LINGO2: variants seen among roughly 807,000 people sequenced by gnomAD.
LINGO2 encodes leucine-rich repeat and immunoglobulin-like domain-containing nogo receptor-interacting protein 2.
In LINGO2, 14 loss-of-function variants were observed where a neutral mutation model predicts 30.6. The observed-to-expected ratio is 0.46, with a 90% CI of 0.30 to 0.72. LINGO2 has a LOEUF of 0.72. LINGO2 is among the 30% of genes least tolerant of loss of function. The probability of loss-of-function intolerance (pLI) is 0.07; values close to 1 mark genes in which losing one functional copy is unlikely to be tolerated. For synonymous variants in LINGO2, 317 were observed against 288.5 expected, an observed-to-expected ratio of 1.10 and a Z score of -1.00; for missense variants, 729 against 751.7, an observed-to-expected ratio of 0.97 and a Z score of 0.35.
At chr9:28,111,243 G>A (rs1343526199) in intron 4 of LINGO2, among the ~76,000 whole-genome samples, 2 of 151,950 alleles carry the variant, frequency 1.3e-5, no homozygotes, top group Non-Finnish European at 2.9e-5. Flanking sequence ...TCGGGGGCTT[G>A]GGGGCTACAG....
At chr9:28,676,332 C>T in the LINGO2 span, among the ~76,000 whole-genome samples, 1 of 151,962 alleles carries the variant, frequency 6.6e-6, no homozygotes, top group African/African-American at 2.4e-5. Flanking sequence ...AATAATTTGA[C>T]TCTGTCCTTC....
At chr9:28,787,589 A>C in the LINGO2 span, among the ~76,000 whole-genome samples, 1 of 152,166 alleles carries the variant, frequency 6.6e-6, no homozygotes, top group African/African-American at 2.4e-5. Flanking sequence ...CTTTCCAACT[A>C]TGAGAAGGGA....
chr9:28,844,734 T>C, the LINGO2 span, among the ~76,000 whole-genome samples: 47 of 151,878 alleles, frequency 3.1e-4, no homozygotes, highest in South Asian at 8.3e-3. Flanking sequence ...TAGAAAGAAG[T>C]AAAGTAGACT....
chr9:27,990,648 A>AT (rs1215939828), intron 5 of LINGO2, among the ~76,000 whole-genome samples: 1 of 151,984 alleles, frequency 6.6e-6, no homozygotes, highest in Non-Finnish European at 1.5e-5. Flanking sequence ...AAATACCCTT[A>AT]TTTCACAGTA....
chr9:28,594,635 T>G (rs1174686878), intron 1 of LINGO2, among the ~76,000 whole-genome samples: 1 of 152,106 alleles, frequency 6.6e-6, no homozygotes, highest in Non-Finnish European at 1.5e-5. Context: ...GCGCACTATT[T>G]CACAATTGTG....
the LINGO2 span, among the ~76,000 whole-genome samples, chr9:28,697,641 AG>A: frequency 6.6e-6 from 1 of 151,996 alleles, no homozygotes; most frequent in African/African-American, 2.4e-5. Context: ...TAACTGAAGT[AG>A]AAATATTATT....
intron 4 of LINGO2, among the ~76,000 whole-genome samples, chr9:28,278,545 C>T (rs1246826140): frequency 2.0e-5 from 3 of 152,162 alleles, no homozygotes; most frequent in Non-Finnish European, 4.4e-5. Context: ...GTTAAATCTA[C>T]TCTGCCTCTG....
chr9:28,524,418 C>G (rs558167955), intron 1 of LINGO2, among the ~76,000 whole-genome samples: 12 of 152,268 alleles, frequency 7.9e-5, no homozygotes, highest in African/African-American at 2.4e-4. Context: ...TTCATCAAAA[C>G]TAAGCATTTT....
At chr9:28,309,116 T>G (rs1467666261) in intron 3 of LINGO2, among the ~76,000 whole-genome samples, 1 of 152,098 alleles carries the variant, frequency 6.6e-6, no homozygotes, top group Non-Finnish European at 1.5e-5. Flanking sequence ...CATGCTGCCA[T>G]AAAGACACAT....
the LINGO2 span, among the ~76,000 whole-genome samples, chr9:29,001,325 A>G: frequency 6.6e-6 from 1 of 152,018 alleles, no homozygotes; most frequent in South Asian, 2.1e-4. Context: ...TAAACACACT[A>G]TAATACAATT....
intron 4 of LINGO2, among the ~76,000 whole-genome samples, chr9:28,269,148 A>G (rs1217175101): frequency 6.6e-6 from 1 of 151,944 alleles, no homozygotes; most frequent in Non-Finnish European, 1.5e-5. Flanking sequence ...AAACATGTCC[A>G]TTTCTTGTGT....
At chr9:28,646,612 A>C (rs1827852753) in intron 1 of LINGO2, among the ~76,000 whole-genome samples, 1 of 152,104 alleles carries the variant, frequency 6.6e-6, no homozygotes, top group South Asian at 2.1e-4. Flanking sequence ...ATCTGGGGAA[A>C]CACTCTTTTT....
At chr9:28,303,552 T>C (rs1003750842) in intron 3 of LINGO2, among the ~76,000 whole-genome samples, 1 of 152,152 alleles carries the variant, frequency 6.6e-6, no homozygotes, top group South Asian at 2.1e-4. Context: ...ACTTAACTAC[T>C]AGCAGTCTAC....
intron 4 of LINGO2, among the ~76,000 whole-genome samples, chr9:28,090,160 C>A (rs755493853): frequency 1.3e-5 from 2 of 152,172 alleles, no homozygotes; most frequent in African/African-American, 4.8e-5. Context: ...ACCATTCCTT[C>A]TGAAACTATT....
chr9:28,028,622 G>A (rs1391340941), intron 4 of LINGO2, among the ~76,000 whole-genome samples: 4 of 152,104 alleles, frequency 2.6e-5, no homozygotes, highest in Non-Finnish European at 4.4e-5. Context: ...CTCAAGTACT[G>A]TATAAAAAAT....
At chr9:28,699,808 T>A in the LINGO2 span, among the ~76,000 whole-genome samples, 1 of 151,924 alleles carries the variant, frequency 6.6e-6, no homozygotes, top group Non-Finnish European at 1.5e-5. Flanking sequence ...GCGGTTGAGA[T>A]GAGGACTGAG....
chr9:28,279,030 G>A (rs1301297591), intron 4 of LINGO2, among the ~76,000 whole-genome samples: 1 of 152,152 alleles, frequency 6.6e-6, no homozygotes, highest in African/African-American at 2.4e-5. Flanking sequence ...AAGGTTACAG[G>A]CTTCGGTAGA....
At chr9:28,819,891 T>C in the LINGO2 span, among the ~76,000 whole-genome samples, 2 of 152,154 alleles carry the variant, frequency 1.3e-5, no homozygotes, top group Admixed American at 6.6e-5. Flanking sequence ...CTTTTATCAG[T>C]GAAGGGGAGG....
At chr9:27,995,676 A>T (rs10118749) in intron 5 of LINGO2, among the ~76,000 whole-genome samples, 2 of 152,160 alleles carry the variant, frequency 1.3e-5, no homozygotes, top group African/African-American at 4.8e-5. Context: ...CATGGTAAAA[A>T]CTTTCAACAA....
Sources: allele counts gnomAD v4.1 joint callset (sites outside exome capture counted in the v4.1 genomes callset), GRCh38; gene constraint gnomAD v4.1.1; transcripts MANE v1.5; gene names NCBI Gene and HGNC (gene_info 2026-07-23, HGNC 2026-07-21).